The following ADAMTS12 variants were observed in gnomAD, a reference collection of about 807,000 sequenced individuals.
The protein encoded by ADAMTS12 is A disintegrin and metalloproteinase with thrombospondin motifs 12.
In ADAMTS12, 118 loss-of-function variants were observed where a neutral mutation model predicts 167.8. The ratio of observed to expected loss-of-function variants is 0.70; its 90% CI spans 0.61 to 0.82. The LOEUF (loss-of-function observed/expected upper bound fraction) is 0.82, where lower values mean the gene tolerates loss of function less well. ADAMTS12 is among the 40% of genes least tolerant of loss of function. ADAMTS12 has a pLI of 0.00. For synonymous variants in ADAMTS12, 704 were observed against 716.9 expected (o/e 0.98, Z 0.29); for missense variants, 1,916 against 1,998.8 (o/e 0.96, Z 0.79).
intron 2 of ADAMTS12, among the ~76,000 whole-genome samples, chr5:33,866,222 A>G (rs1749815044): frequency 6.6e-6 from 1 of 152,204 alleles, no homozygotes; most frequent in African/African-American, 2.4e-5. Context: ...CAAAAAGAGC[A>G]TGGTACTGTT....
intron 2 of ADAMTS12, among the ~76,000 whole-genome samples, chr5:33,784,984 C>T (rs776643384): frequency 6.6e-6 from 1 of 151,896 alleles, no homozygotes. Flanking sequence ...ATGTGCAGAT[C>T]GATGGAAGAA....
At chr5:33,552,372 A>G (rs1390449253) in intron 20 of ADAMTS12, among the ~76,000 whole-genome samples, 1 of 152,138 alleles carries the variant, frequency 6.6e-6, no homozygotes, top group Non-Finnish European at 1.5e-5. Flanking sequence ...CTAAGGCTCC[A>G]TTTCTCCATT....
intron 17 of ADAMTS12, among the ~76,000 whole-genome samples, chr5:33,594,398 T>TTA: frequency 6.6e-6 from 1 of 152,324 alleles, no homozygotes. Context: ...ACTTAGCTTA[T>TTA]TATATCCTAC....
intron 6 of ADAMTS12, among the ~76,000 whole-genome samples, chr5:33,659,850 C>A (rs1478296475): frequency 6.6e-6 from 1 of 152,178 alleles, no homozygotes; most frequent in Admixed American, 6.5e-5. Flanking sequence ...CAGTCTCATA[C>A]CTCCCTCCCT....
chr5:33,806,900 A>T (rs1285629593), intron 2 of ADAMTS12, among the ~76,000 whole-genome samples: 2 of 152,146 alleles, frequency 1.3e-5, no homozygotes, highest in Non-Finnish European at 2.9e-5. Flanking sequence ...TGCTGACGCC[A>T]GGTGGCTCCT....
At chr5:33,691,589 G>A (rs754363130) in intron 3 of ADAMTS12, among the ~76,000 whole-genome samples, 4 of 152,148 alleles carry the variant, frequency 2.6e-5, no homozygotes, top group Non-Finnish European at 5.9e-5. Context: ...GGAAGCAGGC[G>A]AGACATGGAA....
chr5:33,633,782 G>A (rs899671169), intron 12 of ADAMTS12, among the ~76,000 whole-genome samples: 2 of 152,058 alleles, frequency 1.3e-5, no homozygotes, highest in Admixed American at 6.6e-5. Context: ...TCTCTGTGCC[G>A]GACATCAACC....
intron 2 of ADAMTS12, among the ~76,000 whole-genome samples, chr5:33,822,110 A>T (rs1283622036): frequency 6.6e-6 from 1 of 152,194 alleles, no homozygotes; most frequent in Non-Finnish European, 1.5e-5. Flanking sequence ...TATCCTTGGA[A>T]TCTACAACTT....
intron 2 of ADAMTS12, among the ~76,000 whole-genome samples, chr5:33,804,212 C>T (rs1328311297): frequency 6.6e-6 from 1 of 152,296 alleles, no homozygotes; most frequent in Non-Finnish European, 1.5e-5. Flanking sequence ...TATATATTCC[C>T]TTCCTCTTCC....
chr5:33,782,589 A>C (rs985071620), intron 2 of ADAMTS12, among the ~76,000 whole-genome samples: 1 of 152,134 alleles, frequency 6.6e-6, no homozygotes, highest in East Asian at 1.9e-4. Context: ...AAGTGAAAGA[A>C]TTGAATAAAT....
intron 3 of ADAMTS12, among the ~76,000 whole-genome samples, chr5:33,741,287 G>C (rs1306890594): frequency 1.3e-5 from 2 of 152,180 alleles, no homozygotes; most frequent in Non-Finnish European, 2.9e-5. Context: ...GGAAGGCCTA[G>C]ATAAGGTATC....
At chr5:33,587,298 AT>A (rs1033157586) in intron 18 of ADAMTS12, among the ~76,000 whole-genome samples, 1 of 152,198 alleles carries the variant, frequency 6.6e-6, no homozygotes, top group Non-Finnish European at 1.5e-5. Context: ...ATCATCAAAT[AT>A]TTTTTAAACA....
At chr5:33,838,509 C>A (rs1349816902) in intron 2 of ADAMTS12, among the ~76,000 whole-genome samples, 1 of 152,050 alleles carries the variant, frequency 6.6e-6, no homozygotes, top group Non-Finnish European at 1.5e-5. Flanking sequence ...ATAGTGTAAC[C>A]CCATCTCTAC....
At chr5:33,592,270 AAAC>A (rs1747684615) in intron 17 of ADAMTS12, among the ~76,000 whole-genome samples, 1 of 150,884 alleles carries the variant, frequency 6.6e-6, no homozygotes, top group South Asian at 2.1e-4. Flanking sequence ...AAAAAACAAA[AAAC>A]AAAACAAAAC....
At chr5:33,763,682 T>C (rs558337109) in intron 2 of ADAMTS12, among the ~76,000 whole-genome samples, 1 of 152,324 alleles carries the variant, frequency 6.6e-6, no homozygotes, top group South Asian at 2.1e-4. Flanking sequence ...ATAAAGTACA[T>C]TTCATGTCAC....
intron 2 of ADAMTS12, among the ~76,000 whole-genome samples, chr5:33,839,658 TAG>T (rs1748670688): frequency 1.3e-5 from 2 of 152,194 alleles, no homozygotes; most frequent in Admixed American, 1.3e-4. Flanking sequence ...TCTTGCCTCC[TAG>T]GTTTGACTGT....
chr5:33,790,312 T>C (rs1746479366), intron 2 of ADAMTS12, among the ~76,000 whole-genome samples: 2 of 152,084 alleles, frequency 1.3e-5, no homozygotes, highest in Non-Finnish European at 2.9e-5. Context: ...CCCAGCACTT[T>C]GGGAGGCCAA....
intron 2 of ADAMTS12, among the ~76,000 whole-genome samples, chr5:33,805,522 T>C (rs766247697): frequency 5.3e-5 from 8 of 152,202 alleles, no homozygotes; most frequent in Non-Finnish European, 1.2e-4. Flanking sequence ...GGAGGATCAC[T>C]GACTGCACAG....
intron 3 of ADAMTS12, among the ~76,000 whole-genome samples, chr5:33,746,393 G>A (rs1744787622): frequency 6.6e-6 from 1 of 152,188 alleles, no homozygotes; most frequent in Admixed American, 6.5e-5. Flanking sequence ...AGGAGCTAGT[G>A]TTAATGGTAT....
Sources: allele counts gnomAD v4.1 joint callset (sites outside exome capture counted in the v4.1 genomes callset), GRCh38; gene constraint gnomAD v4.1.1; transcripts MANE v1.5; gene names NCBI Gene and HGNC (gene_info 2026-07-23, HGNC 2026-07-21).